The following AVEN variants were observed in gnomAD, a reference collection of about 807,000 sequenced individuals.
The protein encoded by AVEN is cell death regulator Aven.
AVEN carries 41 observed loss-of-function variants against 38.1 expected under a neutral mutation model. The ratio of observed to expected loss-of-function variants is 1.08; its 90% CI spans 0.84 to 1.40. The LOEUF is 1.40. AVEN is among the 40% of genes most tolerant of loss of function. The pLI is 0.00. For synonymous variants in AVEN, 206 were observed against 171.8 expected, an observed-to-expected ratio of 1.20 and a Z score of -1.56; for missense variants, 605 against 438.8, an observed-to-expected ratio of 1.38 and a Z score of -3.38.
At chr15:33,983,148 G>GTGTGTGTA (rs1567447410) in intron 2 of AVEN, among the ~76,000 whole-genome samples, 18 of 137,642 alleles carry the variant, frequency 1.3e-4, no homozygotes, top group African/African-American at 5.1e-4. Context: ...GTGTGTGTGT[G>GTGTGTGTA]TGTGTGTGTG....
chr15:33,872,177 T>G (rs540549875), intron 3 of AVEN, among the ~76,000 whole-genome samples: 1 of 152,168 alleles, frequency 6.6e-6, no homozygotes, highest in Non-Finnish European at 1.5e-5. Context: ...GAGCCAGTCC[T>G]GACTGTAGGA....
intron 2 of AVEN, among the ~76,000 whole-genome samples, chr15:34,069,231 C>T (rs980146210): frequency 1.3e-5 from 2 of 152,032 alleles, no homozygotes; most frequent in African/African-American, 4.8e-5. Flanking sequence ...ACCAGCCTGA[C>T]CAACATGGTG....
At chr15:33,945,689 G>C (rs1004967463) in intron 2 of AVEN, among the ~76,000 whole-genome samples, 1 of 152,044 alleles carries the variant, frequency 6.6e-6, no homozygotes, top group African/African-American at 2.4e-5. Context: ...GAGTTCAAGC[G>C]AGTCCCCTGC....
chr15:33,873,316 T>G (rs1891075510), intron 3 of AVEN, among the ~76,000 whole-genome samples: 1 of 150,440 alleles, frequency 6.6e-6, no homozygotes, highest in African/African-American at 2.4e-5. Flanking sequence ...GCCAGGCTGG[T>G]CTCGAACTCC....
Position 34,047,227 on chromosome 15 carries a change from G to A in AVEN, n.1637+15695C>T, listed in dbSNP as rs577538524. On this transcript the variant is annotated intron_variant and non_coding_transcript_variant, in intron 5 of 11. Transcript: ENST00000675287. Reference sequence around the variant, plus strand: ...CGAGTAGCTGGGACTACAGGCGCCCGCCACCATGCCCTGCTAACTTTTTGT... The same window carrying A: ...CGAGTAGCTGGGACTACAGGCGCCCACCACCATGCCCTGCTAACTTTTTGT... Among the ~76,000 whole-genome samples, 67 of 152,092 alleles carry A rather than the reference G, an allele frequency of 4.4e-4. No individual in the cohort carries two copies. In the South Asian group the frequency reaches 0.013, roughly 29 times the overall value.
intron 3 of AVEN, among the ~76,000 whole-genome samples, chr15:33,871,892 CT>C (rs1248209901): frequency 6.6e-6 from 1 of 152,002 alleles, no homozygotes; most frequent in Non-Finnish European, 1.5e-5. Context: ...CAGTGAATTG[CT>C]TTTAATACTA....
chr15:33,859,712 C>A, intron 11 of AVEN: 1 of 1,610,432 alleles, frequency 6.2e-7, no homozygotes, highest in Non-Finnish European at 8.5e-7. Flanking sequence ...TCATTGTCAT[C>A]TTGCTGGCCA....
intron 2 of AVEN, among the ~76,000 whole-genome samples, chr15:33,967,293 G>GA (rs1422605841): frequency 2.0e-5 from 3 of 151,912 alleles, no homozygotes; most frequent in Admixed American, 6.6e-5. Context: ...TTCTCACTCA[G>GA]AAAAAACCTA....
At chr15:33,887,809 C>A (rs1891764747) in intron 2 of AVEN, among the ~76,000 whole-genome samples, 1 of 151,994 alleles carries the variant, frequency 6.6e-6, no homozygotes, top group Admixed American at 6.6e-5. Flanking sequence ...AGATTTGGTC[C>A]ACCAAGAAGC....
chr15:33,935,592 A>C (rs1401080497), intron 2 of AVEN, among the ~76,000 whole-genome samples: 1 of 152,170 alleles, frequency 6.6e-6, no homozygotes, highest in Non-Finnish European at 1.5e-5. Context: ...AAGGTTATAT[A>C]TGTGTATAGA....
At chr15:34,064,061 C>T (rs947894673) in intron 4 of AVEN, 6 of 1,614,056 alleles carry the variant, frequency 3.7e-6, no homozygotes, top group Non-Finnish European at 5.1e-6. Context: ...GTGCCATTCT[C>T]CTGGCCTTCA....
chr15:34,047,225 C>G (rs1041977885), intron 5 of AVEN, among the ~76,000 whole-genome samples: 1 of 151,972 alleles, frequency 6.6e-6, no homozygotes, highest in Non-Finnish European at 1.5e-5. Context: ...CTACAGGCGC[C>G]CGCCACCATG....
chr15:33,936,805 T>C (rs1275389694), intron 2 of AVEN, among the ~76,000 whole-genome samples: 2 of 152,110 alleles, frequency 1.3e-5, no homozygotes, highest in Non-Finnish European at 2.9e-5. Flanking sequence ...GTACTATTGG[T>C]AGAATTAAAG....
intron 2 of AVEN, among the ~76,000 whole-genome samples, chr15:33,893,605 T>C (rs1892083954): frequency 6.6e-6 from 1 of 152,328 alleles, no homozygotes; most frequent in Admixed American, 6.5e-5. Flanking sequence ...TTGTTTGCAA[T>C]GCATAATGTG....
At position 33,867,585 on chromosome 15, in the gene AVEN, G is replaced by T. The variant is rs1194037729; in HGVS notation, c.883C>A (p.Pro295Thr). 3.1e-6 allele frequency: 5 copies of T among 1,614,190 alleles called. 1 individual carries two copies. The Admixed American group carries it at 5.0e-5, about 16-fold the overall frequency. Residue 295 changes from proline to threonine, a missense_variant, in exon 5 of 6, where the codon CCT becomes ACT. Pro to Thr is a conservative substitution (Grantham distance 38). Coordinates refer to ENST00000306730, the MANE Select transcript of AVEN (RefSeq NM_020371.3). ...AAGATGTTATCTCCCTCTTTTATAG[G>T]TGCATCTAAATTAAGCAACAGATCT... ...ELDLLLNLDA[P>T]IKEGDNILPD...
chr15:33,866,832 C>T lies in AVEN; in HGVS notation c.974-104G>A, dbSNP rs1890578338. The T allele has an allele frequency of 2.2e-5, 17 of 783,740 alleles. No individual in the cohort carries two copies. The East Asian group carries it at 4.4e-4, about 20-fold the overall frequency. The allele number at this position is 783,740 out of a possible 1,614,324, so 48.5% of individuals were successfully genotyped here. A position where few individuals can be genotyped will look rare whatever the true frequency, so the allele number is the denominator to read the frequency against. ...TCCTTACAACAAGGGGAAACATTCT[C>T]ATTATTCTTACTCCCTAAGATGATA... On this transcript the variant is annotated intron_variant, in intron 5 of 5. Coordinates refer to ENST00000306730, the MANE Select transcript of AVEN (RefSeq NM_020371.3).
intron 3 of AVEN, 100 bp from the exon 4 acceptor site, chr15:33,871,130 G>C (rs1029020213): frequency 3.9e-5 from 29 of 750,466 alleles, no homozygotes; most frequent in Non-Finnish European, 5.5e-5. Context: ...GTTACATTTG[G>C]CTAGGAATAA....
At chr15:33,914,376 C>T (rs1221814764) in intron 2 of AVEN, among the ~76,000 whole-genome samples, 1 of 151,988 alleles carries the variant, frequency 6.6e-6, no homozygotes, top group Non-Finnish European at 1.5e-5. Flanking sequence ...TAGACCTGTA[C>T]CTAACCTATG....
intron 2 of AVEN, chr15:33,991,377 G>C (rs376317620): frequency 2.0e-5 from 3 of 152,098 alleles, no homozygotes; most frequent in South Asian, 2.1e-4. Flanking sequence ...TGCTGCAAAA[G>C]ATAAATGCTT....
Sources: allele counts gnomAD v4.1 joint callset (sites outside exome capture counted in the v4.1 genomes callset), GRCh38; gene constraint gnomAD v4.1.1; transcripts MANE v1.5; gene names NCBI Gene and HGNC (gene_info 2026-07-23, HGNC 2026-07-21).